The following QKI variants were observed in gnomAD, a reference collection of about 807,000 sequenced individuals.
QKI encodes KH domain-containing RNA-binding protein QKI.
A neutral mutation model predicts 39.0 loss-of-function variants in QKI; 10 were observed. That is an observed-to-expected ratio of 0.26 (90% CI 0.16 to 0.43). The LOEUF (loss-of-function observed/expected upper bound fraction) is 0.43. Among genes scored for constraint, QKI ranks in the 20% least tolerant of loss-of-function variants. The probability of loss-of-function intolerance (pLI) is 1.00; values close to 1 mark genes in which losing one functional copy is unlikely to be tolerated. For synonymous variants in QKI, 204 were observed against 155.4 expected (o/e 1.31, Z -2.33); for missense variants, 218 against 428.0 (o/e 0.51, Z 4.33).
intron 2 of QKI, among the ~76,000 whole-genome samples, chr6:163,465,859 A>T (rs1583036991): frequency 6.6e-6 from 1 of 151,866 alleles, no homozygotes; most frequent in African/African-American, 2.4e-5. Context: ...TATGGTGGTT[A>T]ACACCTGTAA....
chr6:163,542,636 C>T (rs118042517), intron 4 of QKI, among the ~76,000 whole-genome samples: 270 of 152,136 alleles, frequency 1.8e-3, no homozygotes, highest in Non-Finnish European at 3.4e-3. Context: ...CACAATATGC[C>T]TGCAGACCTA....
rs1319869843 is a variant in QKI, at chr6:163,577,830, A to G, written c.*7120A>G. Reference sequence around the variant, plus strand: ...TGTTACTCATGCACATTGTGTTCTTATGTTTACAGAAGTGCTTAAGTGAAT... The same window carrying G: ...TGTTACTCATGCACATTGTGTTCTTGTGTTTACAGAAGTGCTTAAGTGAAT... On this transcript the variant is annotated 3_prime_UTR_variant, in exon 8 of 8. Transcript: ENST00000361752. 6.6e-6 allele frequency: 1 copy of G among 152,102 alleles called. No homozygotes were observed. The highest frequency in any genetic ancestry group is 1.9e-4 in the East Asian group (1 of 5,182). 9.4% of individuals were successfully genotyped at this position (152,102 alleles called of 1,614,324 possible). A position where few individuals can be genotyped will look rare whatever the true frequency, so the allele number is the denominator to read the frequency against.
At chr6:163,500,302 T>G (rs1323496677) in intron 3 of QKI, among the ~76,000 whole-genome samples, 2 of 151,814 alleles carry the variant, frequency 1.3e-5, no homozygotes, top group African/African-American at 4.8e-5. Flanking sequence ...GTGTAGGGAG[T>G]TGGGCAAGAG....
chr6:163,445,192 TATAATC>T (rs1215249130), intron 1 of QKI, among the ~76,000 whole-genome samples: 6 of 152,192 alleles, frequency 3.9e-5, no homozygotes, highest in South Asian at 2.1e-4. Flanking sequence ...TGTTAACTCA[TATAATC>T]ATAGTATAGT....
At chr6:163,540,639 G>T (rs895893440) in intron 4 of QKI, among the ~76,000 whole-genome samples, 22 of 152,042 alleles carry the variant, frequency 1.4e-4, no homozygotes, top group Non-Finnish European at 2.4e-4. Flanking sequence ...AGTAATAAGG[G>T]TTTTGAGATA....
At chr6:163,450,651 A>G (rs913460106) in intron 1 of QKI, among the ~76,000 whole-genome samples, 2 of 152,172 alleles carry the variant, frequency 1.3e-5, no homozygotes, top group Admixed American at 1.3e-4. Context: ...AAATCAAGAT[A>G]ATTAAAGCAG....
At position 163,574,002 on chromosome 6, in the gene QKI, T is replaced by C. The variant is rs1783841681; in HGVS notation, c.*3292T>C. ...AAATGGCTTTGGTTATTCTGGTCTT[T>C]TAGCTTGGGGGCCGGGGCGGGTGTG... On this transcript the variant is annotated 3_prime_UTR_variant, in exon 8 of 8. Transcript: ENST00000361752. 1.3e-5 allele frequency: 2 copies of C among 152,186 alleles called. No homozygotes were observed. The highest frequency in any genetic ancestry group is 4.8e-5 in the African/African-American group (2 of 41,424). The allele number at this position is 152,186 out of a possible 1,614,324, so 9.4% of individuals were successfully genotyped here.
intron 5 of QKI, 65 bp downstream of exon 5, chr6:163,562,134 C>A: frequency 8.1e-7 from 1 of 1,234,288 alleles, no homozygotes; most frequent in Admixed American, 2.4e-5. Context: ...AGACTTTTTT[C>A]CTTTTGGCAA....
At chr6:163,558,021 AAGTT>A (rs1330261444) in intron 4 of QKI, among the ~76,000 whole-genome samples, 1 of 152,184 alleles carries the variant, frequency 6.6e-6, no homozygotes, top group African/African-American at 2.4e-5. Context: ...ACAAATGTAA[AAGTT>A]AGTGTTCTGT....
intron 2 of QKI, among the ~76,000 whole-genome samples, chr6:163,465,022 G>A (rs1176375410): frequency 2.0e-5 from 3 of 152,094 alleles, no homozygotes; most frequent in Non-Finnish European, 4.4e-5. Flanking sequence ...TGTAAAAATG[G>A]TTCAACATAT....
At chr6:163,555,360 A>T (rs931112970) in intron 4 of QKI, among the ~76,000 whole-genome samples, 1 of 152,106 alleles carries the variant, frequency 6.6e-6, no homozygotes, top group Non-Finnish European at 1.5e-5. Context: ...AATAAGCAGC[A>T]TGAATTTATA....
intron 3 of QKI, among the ~76,000 whole-genome samples, chr6:163,524,536 T>G (rs945668395): frequency 1.3e-5 from 2 of 152,148 alleles, no homozygotes; most frequent in Non-Finnish European, 2.9e-5. Context: ...TGGCGTGATC[T>G]TGGCTCACCG....
At chr6:163,426,163 C>G (rs927090484) in intron 1 of QKI, among the ~76,000 whole-genome samples, 1 of 151,960 alleles carries the variant, frequency 6.6e-6, no homozygotes, top group African/African-American at 2.4e-5. Context: ...TTCTTTATAG[C>G]TGGATTGTTC....
intron 3 of QKI, among the ~76,000 whole-genome samples, chr6:163,512,733 AC>A (rs1366734456): frequency 6.6e-6 from 1 of 152,246 alleles, no homozygotes; most frequent in South Asian, 2.1e-4. Flanking sequence ...TGTCCAGTTG[AC>A]CACGTGCTGG....
At chr6:163,470,789 GAATT>G (rs1361973802) in intron 2 of QKI, among the ~76,000 whole-genome samples, 1 of 152,098 alleles carries the variant, frequency 6.6e-6, no homozygotes, top group South Asian at 2.1e-4. Context: ...TTTGAAGAGA[GAATT>G]AGTAAACTGG....
rs146975980 is a variant in QKI at position 163,578,560 on chromosome 6, A to G, written c.*7850A>G. 1.3e-5 allele frequency: 2 copies of G among 152,374 alleles called. No individual in the cohort carries two copies. Among genetic ancestry groups the G allele is most frequent in the Non-Finnish European group, 2.9e-5 (2 of 68,040 alleles). The allele number at this position is 152,374 out of a possible 1,614,324, so 9.4% of individuals were successfully genotyped here. ...TTGTTCATTGCTTTCTCACTGAGGT[A>G]AAACAGCATTAAAAAGTTGTCCAGA... On this transcript the variant is annotated 3_prime_UTR_variant, in exon 8 of 8. Coordinates refer to ENST00000361752, the MANE Select transcript of QKI (RefSeq NM_006775.3).
At chr6:163,429,245 A>G (rs991883228) in intron 1 of QKI, among the ~76,000 whole-genome samples, 1 of 152,206 alleles carries the variant, frequency 6.6e-6, no homozygotes, top group Non-Finnish European at 1.5e-5. Flanking sequence ...CTTATTTATC[A>G]GAAGAAATAT....
chr6:163,532,497 A>G (rs1211366178), intron 3 of QKI, among the ~76,000 whole-genome samples: 1 of 152,118 alleles, frequency 6.6e-6, no homozygotes, highest in Middle Eastern at 3.2e-3. Context: ...TTGTCCTGGG[A>G]CACAGTTAAG....
At chr6:163,422,402 C>T (rs1450235246) in intron 1 of QKI, among the ~76,000 whole-genome samples, 1 of 152,054 alleles carries the variant, frequency 6.6e-6, no homozygotes, top group African/African-American at 2.4e-5. Flanking sequence ...TCATATTCTG[C>T]TTAGCAGATA....
Sources: gnomAD v4.1 joint callset for allele counts (sites outside exome capture counted in the v4.1 genomes callset) on GRCh38, gnomAD v4.1.1 for gene constraint, MANE v1.5 for transcripts, NCBI Gene and HGNC (gene_info 2026-07-23, HGNC 2026-07-21) for gene names.